The following ADIPOR2 variants were observed in gnomAD, a reference collection of about 807,000 sequenced individuals.
ADIPOR2 encodes the protein adiponectin receptor protein 2.
A neutral mutation model predicts 40.9 loss-of-function variants in ADIPOR2; 18 were observed. The ratio of observed to expected loss-of-function variants is 0.44; its 90% CI spans 0.30 to 0.65. The LOEUF is 0.65. Among genes scored for constraint, ADIPOR2 ranks in the 30% least tolerant of loss-of-function variants. The pLI is 0.09. For missense variants in ADIPOR2, 283 were observed against 479.2 expected, an observed-to-expected ratio of 0.59 and a Z score of 3.82; for synonymous variants, 165 against 166.4, an observed-to-expected ratio of 0.99 and a Z score of 0.06.
At chr12:1,698,055 G>A (rs551583884) in intron 1 of ADIPOR2, 2 of 152,342 alleles carry the variant, frequency 1.3e-5, no homozygotes, top group African/African-American at 4.8e-5. Context: ...GTTGGCTGTA[G>A]ACTGGATCCA....
At chr12:1,712,775 A>T (rs549500224) in intron 1 of ADIPOR2, among the ~76,000 whole-genome samples, 7 of 151,760 alleles carry the variant, frequency 4.6e-5, no homozygotes, top group African/African-American at 1.7e-4. Context: ...ATTCCAAGGA[A>T]CCCCCGCAAC....
intron 1 of ADIPOR2, among the ~76,000 whole-genome samples, chr12:1,694,808 T>G (rs2094634659): frequency 1.3e-5 from 2 of 152,058 alleles, no homozygotes; most frequent in African/African-American, 4.8e-5. Context: ...ATTTAAAAAT[T>G]ACACTTTTTT....
intron 2 of ADIPOR2, among the ~76,000 whole-genome samples, chr12:1,755,571 G>A (rs977912902): frequency 1.3e-5 from 2 of 152,216 alleles, no homozygotes; most frequent in African/African-American, 4.8e-5. Context: ...TTGGGAGTCA[G>A]TAGAGTTCTG....
At chr12:1,759,861 C>T (rs57292054) in intron 2 of ADIPOR2, among the ~76,000 whole-genome samples, 13,652 of 151,956 alleles carry the variant, frequency 0.09, 1,681 homozygotes, top group African/African-American at 0.28. Context: ...CCCGTCTCTA[C>T]GAAAAATACA....
Position 1,776,475 on chromosome 12 carries a change from A to T in ADIPOR2, c.292-1379A>T, listed in dbSNP as rs1862598074. Among the ~76,000 whole-genome samples, 2 of 152,226 alleles carry T rather than the reference A, an allele frequency of 1.3e-5. 1 individual carries two copies. The highest frequency in any genetic ancestry group is 4.1e-4 in the South Asian group (2 of 4,826). The stretch of plus-strand genomic sequence containing the variant: ...CTGGAAGAACTGCTGAGCCCACATT[A>T]GCTGGAAGATAAACCATGTGCCTGC... On this transcript the variant is annotated intron_variant, in intron 3 of 7. Transcript: ENST00000357103.
At chr12:1,774,950 G>T (rs1221465817) in intron 3 of ADIPOR2, among the ~76,000 whole-genome samples, 1 of 47,032 alleles carries the variant, frequency 2.1e-5, no homozygotes, top group African/African-American at 5.1e-5. Context: ...TGATCTGCCC[G>T]CCTCGGCCTC....
chr12:1,733,954 C>A (rs1279317445), intron 1 of ADIPOR2, among the ~76,000 whole-genome samples: 2 of 152,130 alleles, frequency 1.3e-5, no homozygotes, highest in African/African-American at 4.8e-5. Context: ...TTTTTTATGG[C>A]TGCATAGTAT....
In ADIPOR2 at chr12:1,786,280, T is replaced by C. The variant is rs1179014391; in HGVS notation, c.*208T>C. Reference sequence around the variant, plus strand: ...TACCTCAAAGGATGGAGTGCATCAATTGGGAGAAAAGGAGACATAGCCCAA... The same window carrying C: ...TACCTCAAAGGATGGAGTGCATCAACTGGGAGAAAAGGAGACATAGCCCAA... On this transcript the variant is annotated 3_prime_UTR_variant, in exon 8 of 8. Transcript: ENST00000357103. 3.5e-6 allele frequency: 2 copies of C among 571,400 alleles called. No individual in the cohort carries two copies. Among genetic ancestry groups the C allele is most frequent in the Non-Finnish European group, 5.7e-6 (2 of 351,970 alleles). 35.4% of individuals were successfully genotyped at this position (571,400 alleles called of 1,614,324 possible).
intron 1 of ADIPOR2, among the ~76,000 whole-genome samples, chr12:1,753,045 G>GTTGACTAATTCTTACTCTGTTTCT (rs1292003465): frequency 6.6e-5 from 10 of 152,150 alleles, no homozygotes; most frequent in Non-Finnish European, 1.2e-4. Flanking sequence ...GAAACCAACA[G>GTTGACTAATTCTTACTCTGTTTCT]TTGACTAATT....
At chr12:1,763,295 A>G (rs1862307540) in intron 2 of ADIPOR2, among the ~76,000 whole-genome samples, 1 of 152,206 alleles carries the variant, frequency 6.6e-6, no homozygotes. Context: ...TCTTTTCATA[A>G]TGCATATACG....
intron 2 of ADIPOR2, among the ~76,000 whole-genome samples, chr12:1,764,558 A>AACACACACACAC (rs59660682): frequency 8.4e-6 from 1 of 118,998 alleles, no homozygotes; most frequent in African/African-American, 3.7e-5. Context: ...TAAAGTATTA[A>AACACACACACAC]ACACACACAC....
chr12:1,745,000 C>T (rs1439976885), intron 1 of ADIPOR2, among the ~76,000 whole-genome samples: 6 of 151,442 alleles, frequency 4.0e-5, no homozygotes, highest in Non-Finnish European at 1.5e-5. Flanking sequence ...TTTTAAGGTT[C>T]GGAAACAAAA....
chr12:1,747,104 T>C (rs941522936), intron 1 of ADIPOR2, among the ~76,000 whole-genome samples: 7 of 142,892 alleles, frequency 4.9e-5, no homozygotes, highest in Admixed American at 1.5e-4. Flanking sequence ...TAAAAGACTT[T>C]AACACCGCTG....
chr12:1,725,664 T>C (rs2094706504), intron 1 of ADIPOR2, among the ~76,000 whole-genome samples: 1 of 152,178 alleles, frequency 6.6e-6, no homozygotes, highest in African/African-American at 2.4e-5. Context: ...TGCCAGGCAA[T>C]GTTCTAGAGA....
chr12:1,747,044 C>T (rs1435703133), intron 1 of ADIPOR2, among the ~76,000 whole-genome samples: 11 of 148,332 alleles, frequency 7.4e-5, no homozygotes, highest in African/African-American at 2.3e-4. Flanking sequence ...CCCCCACTAA[C>T]TCCACTGCCC....
At chr12:1,699,257 C>A (rs1311474531) in intron 1 of ADIPOR2, among the ~76,000 whole-genome samples, 2 of 152,128 alleles carry the variant, frequency 1.3e-5, no homozygotes, top group East Asian at 3.8e-4. Flanking sequence ...GTTGGGGTTA[C>A]TGCTGAGTGA....
rs1202653508 is a variant in ADIPOR2, at chr12:1,779,661, C to T, written c.464-790C>T. 3.9e-5 allele frequency among the ~76,000 whole-genome samples: 6 copies of T among 152,314 alleles called. No individual in the cohort carries two copies. The East Asian group carries it at 5.8e-4, about 15-fold the overall frequency. On this transcript the variant is annotated intron_variant, in intron 4 of 7. Coordinates refer to ENST00000357103, the MANE Select transcript of ADIPOR2 (RefSeq NM_024551.3). ...CATTTGATTTGCATTTCTTATCACA[C>T]ATTTGATTTCCATGGTGCCTCTAAG...
intron 1 of ADIPOR2, among the ~76,000 whole-genome samples, chr12:1,709,657 CAT>C (rs1411698572): frequency 6.6e-6 from 1 of 151,974 alleles, no homozygotes; most frequent in Admixed American, 6.6e-5. Context: ...TAAGTGGAGA[CAT>C]GTAGAGATCA....
intron 1 of ADIPOR2, among the ~76,000 whole-genome samples, chr12:1,747,770 T>G (rs2094758919): frequency 6.6e-6 from 1 of 152,182 alleles, no homozygotes; most frequent in African/African-American, 2.4e-5. Context: ...TGCCATTGTT[T>G]CTGCTTAGAA....
Sources: allele counts gnomAD v4.1 joint callset (sites outside exome capture counted in the v4.1 genomes callset), GRCh38; gene constraint gnomAD v4.1.1; transcripts MANE v1.5; gene names NCBI Gene and HGNC (gene_info 2026-07-23, HGNC 2026-07-21).